Variants in CSMD1 observed in about 807,000 individuals in gnomAD.
CSMD1 encodes CUB and Sushi multiple domains 1.
CSMD1 carries 213 observed loss-of-function variants against 417.5 expected under a neutral mutation model. The ratio of observed to expected loss-of-function variants is 0.51; its 90% CI spans 0.46 to 0.57. CSMD1 has a LOEUF of 0.57. CSMD1 is among the 20% of genes least tolerant of loss of function. The probability of loss-of-function intolerance (pLI) is 0.00; values close to 1 mark genes in which losing one functional copy is unlikely to be tolerated. For missense variants in CSMD1, 6,923 were observed against 4,529.7 expected (o/e 1.53, Z -15.17); for synonymous variants, 2,862 against 1,736.8 (o/e 1.65, Z -16.11).
chr8:4,244,271 AG>A (rs1431610762), intron 3 of CSMD1, among the ~76,000 whole-genome samples: 1 of 152,168 alleles, frequency 6.6e-6, no homozygotes, highest in Non-Finnish European at 1.5e-5. Context: ...CACTGAGAGC[AG>A]GCCCCCGGGT....
chr8:4,219,333 G>A (rs765567066), intron 3 of CSMD1, among the ~76,000 whole-genome samples: 17 of 151,864 alleles, frequency 1.1e-4, no homozygotes, highest in South Asian at 2.1e-4. Flanking sequence ...ATTCACTTTC[G>A]TAACTTGAGC....
Position 3,087,130 on chromosome 8 carries a change from A to G in CSMD1, c.7441T>C (p.Tyr2481His), listed in dbSNP as rs1814586710. The change falls in exon 49 of 70, where the codon TAC (tyrosine) becomes CAC (histidine). Residue 2481 changes from tyrosine to histidine, a missense_variant. Transcript: ENST00000635120. ...AGTGGCGTGAGGGAGTCCCACTGGT[A>G]CATGCCAAGTGGGTTTCGTCTACAG... ...ATCRRNPLGM[Y>H]QWDSLTPLCQ... The G allele has an allele frequency of 6.2e-7, 1 of 1,613,542 alleles. No homozygotes were observed. The highest frequency in any genetic ancestry group is 8.5e-7 in the Non-Finnish European group (1 of 1,179,852).
At chr8:3,604,237 A>C (rs1391661540) in intron 8 of CSMD1, among the ~76,000 whole-genome samples, 2 of 152,142 alleles carry the variant, frequency 1.3e-5, no homozygotes. Flanking sequence ...GGAAGCATAG[A>C]CGTGCATAGA....
intron 10 of CSMD1, among the ~76,000 whole-genome samples, chr8:3,571,788 G>T (rs1210642712): frequency 6.6e-6 from 1 of 151,804 alleles, no homozygotes; most frequent in Non-Finnish European, 1.5e-5. Context: ...CCACTCCATG[G>T]TGTCTGCTCT....
intron 5 of CSMD1, among the ~76,000 whole-genome samples, chr8:3,986,399 C>A (rs1030163120): frequency 2.0e-5 from 3 of 152,182 alleles, no homozygotes; most frequent in African/African-American, 7.2e-5. Context: ...AGGCCCTGGA[C>A]ATTTCACTGT....
At chr8:3,581,804 T>C (rs933233736) in intron 9 of CSMD1, among the ~76,000 whole-genome samples, 6 of 152,140 alleles carry the variant, frequency 3.9e-5, no homozygotes, top group African/African-American at 1.4e-4. Context: ...TGTCTTTTTT[T>C]TTTCCTTTTT....
At chr8:3,331,216 C>T (rs916763564) in intron 23 of CSMD1, among the ~76,000 whole-genome samples, 2 of 135,718 alleles carry the variant, frequency 1.5e-5, no homozygotes, top group African/African-American at 3.1e-5. Flanking sequence ...CCAGCCTGGC[C>T]GACAGAACGA....
intron 1 of CSMD1, among the ~76,000 whole-genome samples, chr8:4,909,865 A>G (rs1392979214): frequency 2.6e-5 from 4 of 152,178 alleles, no homozygotes; most frequent in East Asian, 3.9e-4. Context: ...ATGGGTTCAG[A>G]GAAGTCATTG....
At chr8:4,123,111 C>A (rs1036188542) in intron 3 of CSMD1, among the ~76,000 whole-genome samples, 3 of 152,160 alleles carry the variant, frequency 2.0e-5, no homozygotes, top group African/African-American at 7.2e-5. Flanking sequence ...GAAAAATGAT[C>A]CATCAGTACA....
chr8:3,722,224 G>C (rs959721708), intron 6 of CSMD1, among the ~76,000 whole-genome samples: 1 of 152,062 alleles, frequency 6.6e-6, no homozygotes, highest in African/African-American at 2.4e-5. Flanking sequence ...CAGGAGAATT[G>C]CTTGACCAGG....
chr8:3,995,776 C>A (rs1157975133), intron 5 of CSMD1, among the ~76,000 whole-genome samples: 2 of 152,218 alleles, frequency 1.3e-5, no homozygotes, highest in African/African-American at 4.8e-5. Context: ...AGTATAAATA[C>A]AACTCTATCC....
At chr8:3,239,108 G>A (rs772681693) in intron 26 of CSMD1, among the ~76,000 whole-genome samples, 17 of 152,184 alleles carry the variant, frequency 1.1e-4, no homozygotes, top group Non-Finnish European at 2.4e-4. Context: ...TCTGAGAAGG[G>A]AAAGTGGTAA....
rs150821156 is a variant in CSMD1 at position 4,184,806 on chromosome 8, T to C, written c.416-152707A>G. On this transcript the variant is annotated intron_variant, in intron 3 of 69. Transcript: ENST00000635120. ...ACAACCTGTGACACAGGTTTACTTA[T>C]ATAGGAAACATGCACATGTACCCCT... Among the ~76,000 whole-genome samples the C allele has an allele frequency of 4.3e-3, 655 of 151,958 alleles. 3 individuals are homozygous for C. The highest frequency in any genetic ancestry group is 0.015 in the African/African-American group (606 of 41,432).
At chr8:3,457,178 TC>T (rs36079486) in intron 12 of CSMD1, among the ~76,000 whole-genome samples, 58,801 of 150,816 alleles carry the variant, frequency 0.39, 12,276 homozygotes, top group Middle Eastern at 0.49. Flanking sequence ...CTTCCTGGAC[TC>T]CTCATCGTGG....
chr8:4,043,111 T>A (rs1797977412), intron 3 of CSMD1, among the ~76,000 whole-genome samples: 1 of 151,956 alleles, frequency 6.6e-6, no homozygotes, highest in African/African-American at 2.4e-5. Context: ...CCAGCCTGGG[T>A]GAGACAGTGA....
Position 3,256,614 on chromosome 8 carries a change from T to A in CSMD1, c.4154-26383A>T, listed in dbSNP as rs141020453. Among the ~76,000 whole-genome samples, 382 of 152,330 alleles carry A rather than the reference T, an allele frequency of 2.5e-3. 3 individuals are homozygous for A. The highest frequency in any genetic ancestry group is 8.9e-3 in the African/African-American group (371 of 41,564). On this transcript the variant is annotated intron_variant, in intron 26 of 69. Transcript: ENST00000635120. ...CAACAACACTGGCTGTTTCTTACTT[T>A]TGACTCTGAATCCCACTTCCAACAT...
At chr8:3,978,602 G>A (rs1813620938) in intron 5 of CSMD1, among the ~76,000 whole-genome samples, 1 of 151,978 alleles carries the variant, frequency 6.6e-6, no homozygotes, top group Admixed American at 6.6e-5. Context: ...GCATGTTGGG[G>A]GTAAATAATT....
chr8:3,039,107 G>T (rs1810895145), intron 50 of CSMD1, among the ~76,000 whole-genome samples: 1 of 152,158 alleles, frequency 6.6e-6, no homozygotes, highest in Non-Finnish European at 1.5e-5. Flanking sequence ...GAAAGTGGGT[G>T]GTTGGCCATT....
intron 3 of CSMD1, among the ~76,000 whole-genome samples, chr8:4,315,358 G>T (rs1299034202): frequency 6.6e-6 from 1 of 152,144 alleles, no homozygotes; most frequent in Non-Finnish European, 1.5e-5. Flanking sequence ...GCCCCAGGTG[G>T]CAGGTACCAG....
Sources: allele counts gnomAD v4.1 joint callset (sites outside exome capture counted in the v4.1 genomes callset), GRCh38; gene constraint gnomAD v4.1.1; transcripts MANE v1.5; gene names NCBI Gene and HGNC (gene_info 2026-07-23, HGNC 2026-07-21).